Variants in LSM14A observed in about 807,000 individuals in gnomAD.
LSM14A encodes the protein LSM14A mRNA processing body assembly factor.
In LSM14A, 14 loss-of-function variants were observed where a neutral mutation model predicts 52.4. That is an observed-to-expected ratio of 0.27 (90% CI 0.18 to 0.42). The LOEUF (loss-of-function observed/expected upper bound fraction) is 0.42. Among genes scored for constraint, LSM14A ranks in the 10% least tolerant of loss-of-function variants. The pLI is 1.00. For synonymous variants in LSM14A, 185 were observed against 200.3 expected, an observed-to-expected ratio of 0.92 and a Z score of 0.64; for missense variants, 417 against 581.8, an observed-to-expected ratio of 0.72 and a Z score of 2.91.
Position 34,227,879 on chromosome 19 carries a change from G to A in LSM14A, c.*491G>A, listed in dbSNP as rs1456267166. 3 of 152,220 alleles carry A rather than the reference G, an allele frequency of 2.0e-5. No individual in the cohort carries two copies. The highest frequency in any genetic ancestry group is 4.4e-5 in the Non-Finnish European group (3 of 68,578). 9.4% of individuals were successfully genotyped at this position (152,220 alleles called of 1,614,324 possible). A position where few individuals can be genotyped will look rare whatever the true frequency, so the allele number is the denominator to read the frequency against. Reference sequence around the variant, plus strand: ...CTTTTGGGGAATCCTGTAATATGAGGTAGCTTATTTCGTCAATTAATTAGG... The same window carrying A: ...CTTTTGGGGAATCCTGTAATATGAGATAGCTTATTTCGTCAATTAATTAGG... On this transcript the variant is annotated 3_prime_UTR_variant, in exon 10 of 10. Transcript: ENST00000544216.
At chr19:34,178,095 A>G (rs1350539404) in intron 1 of LSM14A, among the ~76,000 whole-genome samples, 2 of 151,450 alleles carry the variant, frequency 1.3e-5, no homozygotes, top group Admixed American at 6.6e-5. Context: ...TGAAAGGCGG[A>G]GGTTAGAGTG....
At chr19:34,207,156 TG>T (rs964425361) in intron 3 of LSM14A, among the ~76,000 whole-genome samples, 1 of 152,150 alleles carries the variant, frequency 6.6e-6, no homozygotes, top group African/African-American at 2.4e-5. Flanking sequence ...GTAGTAGAAT[TG>T]GAGTAGAGCG....
At chr19:34,225,128 A>C (rs184804672) in intron 9 of LSM14A, among the ~76,000 whole-genome samples, 2 of 152,316 alleles carry the variant, frequency 1.3e-5, no homozygotes, top group Admixed American at 6.5e-5. Context: ...TTTTCTTTCC[A>C]TGACAACACT....
At chr19:34,211,182 C>G (rs1478685980) in intron 4 of LSM14A, among the ~76,000 whole-genome samples, 3 of 151,588 alleles carry the variant, frequency 2.0e-5, no homozygotes, top group Non-Finnish European at 4.4e-5. Context: ...TGGCGTGCAC[C>G]TGTAATCCCA....
intron 4 of LSM14A, among the ~76,000 whole-genome samples, chr19:34,214,126 G>A (rs1000348028): frequency 6.6e-6 from 1 of 152,012 alleles, no homozygotes; most frequent in African/African-American, 2.4e-5. Flanking sequence ...TCTTTTAAAA[G>A]GCAAGGAATG....
Position 34,172,519 on chromosome 19 carries a change from G to T in LSM14A, c.-124G>T. On this transcript the variant is annotated 5_prime_UTR_variant, in exon 1 of 10. Coordinates refer to ENST00000544216, the MANE Select transcript of LSM14A (RefSeq NM_015578.4). ...GGGGGAGGGTAGCGGAGCCGGCGCC[G>T]CCGCCATGTTGGGTCTGAAGCGGCT... The T allele has an allele frequency of 9.0e-7, 1 of 1,109,168 alleles. No homozygotes were observed. Among genetic ancestry groups the T allele is most frequent in the Non-Finnish European group, 1.2e-6 (1 of 868,566 alleles). The allele number at this position is 1,109,168 out of a possible 1,614,324, so 68.7% of individuals were successfully genotyped here. A position where few individuals can be genotyped will look rare whatever the true frequency, so the allele number is the denominator to read the frequency against.
At chr19:34,193,212 G>C (rs1817410337) in intron 1 of LSM14A, among the ~76,000 whole-genome samples, 1 of 152,224 alleles carries the variant, frequency 6.6e-6, no homozygotes, top group Non-Finnish European at 1.5e-5. Context: ...CCAGGCTGCA[G>C]TGCAGCCACG....
rs376083592 is a variant in LSM14A, at chr19:34,215,694, G to C, written c.781+33G>C. The C allele has an allele frequency of 3.6e-6, 5 of 1,398,638 alleles. No homozygotes were observed. The African/African-American group carries it at 5.7e-5, about 16-fold the overall frequency. 86.6% of individuals were successfully genotyped at this position (1,398,638 alleles called of 1,614,324 possible). A position where few individuals can be genotyped will look rare whatever the true frequency, so the allele number is the denominator to read the frequency against. On this transcript the variant is annotated intron_variant, in intron 6 of 9. Coordinates refer to ENST00000544216, the MANE Select transcript of LSM14A (RefSeq NM_015578.4). The stretch of plus-strand genomic sequence containing the variant: ...CTTGGATCTAAAAGTCATATTCTAT[G>C]CTTCTCAACAGGGAGAATATTTTAA...
chr19:34,184,319 C>T (rs1967495558), intron 1 of LSM14A, among the ~76,000 whole-genome samples: 1 of 152,194 alleles, frequency 6.6e-6, no homozygotes, highest in South Asian at 2.1e-4. Flanking sequence ...TTCCAAAGTG[C>T]TGGAATTATA....
At chr19:34,208,680 G>A (rs1163680519) in intron 3 of LSM14A, 1 of 325,984 alleles carries the variant, frequency 3.1e-6, no homozygotes, top group Admixed American at 4.4e-5. Context: ...AGCACTCCAT[G>A]TGTTATAAAC....
At chr19:34,198,696 C>T (rs1192612650) in intron 3 of LSM14A, among the ~76,000 whole-genome samples, 2 of 150,692 alleles carry the variant, frequency 1.3e-5, no homozygotes, top group Admixed American at 6.6e-5. Context: ...ATAATATAAC[C>T]ACACAGAGGG....
At chr19:34,206,323 A>C (rs2071691713) in intron 3 of LSM14A, among the ~76,000 whole-genome samples, 1 of 152,028 alleles carries the variant, frequency 6.6e-6, no homozygotes, top group Admixed American at 6.6e-5. Flanking sequence ...GTGAGCCATG[A>C]TTGTGCCACT....
chr19:34,189,363 A>G (rs2070178899), intron 1 of LSM14A, among the ~76,000 whole-genome samples: 1 of 152,214 alleles, frequency 6.6e-6, no homozygotes, highest in Non-Finnish European at 1.5e-5. Context: ...AGTGATATCA[A>G]ATCCAAGTAA....
At chr19:34,219,913 T>C (rs1231442168) in intron 8 of LSM14A, 36 bp downstream of exon 8, 3 of 1,419,274 alleles carry the variant, frequency 2.1e-6, no homozygotes, top group African/African-American at 1.4e-5. Context: ...TCTTATGATA[T>C]TGATTGAAGT....
chr19:34,182,996 T>C (rs1259875751), intron 1 of LSM14A, among the ~76,000 whole-genome samples: 2 of 152,162 alleles, frequency 1.3e-5, no homozygotes, highest in Admixed American at 1.3e-4. Context: ...CTTGTTATTG[T>C]TGTTTTTAAT....
intron 1 of LSM14A, among the ~76,000 whole-genome samples, chr19:34,181,102 T>C (rs1480678246): frequency 6.6e-6 from 1 of 152,156 alleles, no homozygotes; most frequent in Non-Finnish European, 1.5e-5. Flanking sequence ...TTCTGATCAA[T>C]ATGGATAAAC....
chr19:34,190,195 C>T (rs1467119666), intron 1 of LSM14A, among the ~76,000 whole-genome samples: 3 of 152,052 alleles, frequency 2.0e-5, no homozygotes, highest in Non-Finnish European at 2.9e-5. Context: ...ATCTTCTAGC[C>T]ACGTGTGCCC....
At chr19:34,222,050 T>C (rs1367745539) in intron 9 of LSM14A, 1 of 161,548 alleles carries the variant, frequency 6.2e-6, no homozygotes, top group East Asian at 1.9e-4. Context: ...AACATTTATA[T>C]AGTATTTACC....
At chr19:34,194,993 C>G (rs1406399660) in intron 2 of LSM14A, among the ~76,000 whole-genome samples, 1 of 151,654 alleles carries the variant, frequency 6.6e-6, no homozygotes, top group Admixed American at 6.6e-5. Context: ...GATGGAGCCA[C>G]AATTTGAACA....
Sources: allele counts gnomAD v4.1 joint callset (sites outside exome capture counted in the v4.1 genomes callset), GRCh38; gene constraint gnomAD v4.1.1; transcripts MANE v1.5; gene names NCBI Gene and HGNC (gene_info 2026-07-23, HGNC 2026-07-21).